Variants in TEAD3 observed in about 807,000 individuals in gnomAD.
TEAD3 encodes transcriptional enhancer factor TEF-5.
A neutral mutation model predicts 55.6 loss-of-function variants in TEAD3; 15 were observed. That is an observed-to-expected ratio of 0.27 (90% CI 0.18 to 0.42). TEAD3 has a LOEUF of 0.42. Ranked by LOEUF, TEAD3 falls within the 10% of genes least tolerant of loss-of-function variation. The pLI is 1.00. For missense variants in TEAD3, 407 were observed against 576.8 expected (o/e 0.71, Z 3.01); for synonymous variants, 210 against 232.2 (o/e 0.90, Z 0.87).
In TEAD3 at chr6:35,486,130, G is replaced by A. The variant is rs1768373261; in HGVS notation, c.202+331C>T. ...GGGCCTCCTTTCCACATCCTCCTCCGGGAAGGGACCCCGTTCCGGGCCTCG... is the reference window on the plus strand; with the variant it reads ...GGGCCTCCTTTCCACATCCTCCTCCAGGAAGGGACCCCGTTCCGGGCCTCG... On this transcript the variant is annotated intron_variant, in intron 2 of 12. Coordinates refer to ENST00000639578, the Ensembl canonical transcript of TEAD3. The surrounding 1 kb of genome is among the most constrained non-coding windows in gnomAD (Gnocchi z 7.3). Among the ~76,000 whole-genome samples the A allele has an allele frequency of 6.6e-6, 1 of 152,212 alleles. No homozygotes were observed. The highest frequency in any genetic ancestry group is 2.4e-5 in the African/African-American group (1 of 41,462).
At chr6:35,492,608 A>AC (rs1768550246) in intron 1 of TEAD3, among the ~76,000 whole-genome samples, 9 of 93,442 alleles carry the variant, frequency 9.6e-5, no homozygotes, top group Admixed American at 9.2e-4. Context: ...CTCTCTCCCC[A>AC]CCCCCCGCCC....
chr6:35,492,015 GC>G (rs1252219331), intron 1 of TEAD3, among the ~76,000 whole-genome samples: 1 of 152,178 alleles, frequency 6.6e-6, no homozygotes, highest in Non-Finnish European at 1.5e-5. Flanking sequence ...CACAGAAAAA[GC>G]CAGTCTGGGT....
Position 35,477,335 on chromosome 6 carries a change from G to A in TEAD3, c.568C>T (p.Pro190Ser), listed in dbSNP as rs1265892200. ...CTGCTGAGCGTCGGCGGCAGGGGCGGCTGGATGGGGTAGGCTGGCTGTGCA... is the reference window on the plus strand; with the variant it reads ...CTGCTGAGCGTCGGCGGCAGGGGCGACTGGATGGGGTAGGCTGGCTGTGCA... The change falls in exon 8 of 13, where the codon CCG becomes TCG. Residue 190 changes from proline to serine, a missense_variant. Physicochemically the swap from Pro to Ser is moderately conservative, Grantham distance 74. Coordinates refer to ENST00000639578, the Ensembl canonical transcript of TEAD3. 8 of 1,605,692 alleles carry A rather than the reference G, an allele frequency of 5.0e-6. No individual in the cohort carries two copies. The highest frequency in any genetic ancestry group is 5.9e-6 in the Non-Finnish European group (7 of 1,179,722).
chr6:35,479,827 G>A (rs1249536684), intron 4 of TEAD3, among the ~76,000 whole-genome samples: 1 of 152,246 alleles, frequency 6.6e-6, no homozygotes, highest in Admixed American at 6.5e-5. Flanking sequence ...TCAGGAAGAA[G>A]GAGAAAAAGA....
chr6:35,474,810 G>A (rs1042650422), downstream of TEAD3: 12 of 504,658 alleles, frequency 2.4e-5, no homozygotes, highest in Non-Finnish European at 3.5e-5. Context: ...GTGGGTCAGC[G>A]CCCCGGACAG....
chr6:35,495,103 C>T (rs1289604753), intron 1 of TEAD3, among the ~76,000 whole-genome samples: 3 of 152,346 alleles, frequency 2.0e-5, no homozygotes, highest in East Asian at 1.9e-4. Flanking sequence ...GAAACTGAGG[C>T]CCAAAGGGGC....
chr6:35,482,356 A>T (rs1222490649), intron 3 of TEAD3, among the ~76,000 whole-genome samples: 1 of 152,218 alleles, frequency 6.6e-6, no homozygotes, highest in Non-Finnish European at 1.5e-5. Context: ...CAACCAGAGG[A>T]CAGATCCCCT....
intron 3 of TEAD3, 118 bp from the exon 4 acceptor site, chr6:35,480,492 A>C: frequency 9.9e-7 from 1 of 1,013,866 alleles, no homozygotes; most frequent in South Asian, 1.5e-5. Flanking sequence ...AACTACATGT[A>C]AATGGGGGGA....
At chr6:35,487,445 A>G (rs1768410047) in intron 1 of TEAD3, among the ~76,000 whole-genome samples, 2 of 151,036 alleles carry the variant, frequency 1.3e-5, no homozygotes, top group African/African-American at 2.4e-5. Context: ...CCAGCTACTC[A>G]GGAGGCTGAA....
At position 35,492,640 on chromosome 6, in the gene TEAD3, T is replaced by C. The variant is rs182629057; in HGVS notation, c.-50+4258A>G. ...GCCCTGCTTATTAATGTGCTTCCAA[T>C]TTGGGACTGGAGATTCTCTGCCCCT... On this transcript the variant is annotated intron_variant, in intron 1 of 12. Transcript: ENST00000639578. Among the ~76,000 whole-genome samples the C allele has an allele frequency of 1.1e-3, 149 of 133,980 alleles. 1 individual carries two copies. The highest frequency in any genetic ancestry group is 3.8e-3 in the African/African-American group (136 of 36,234). The allele number at this position is 133,980 out of a possible 152,430, so 87.9% of individuals were successfully genotyped here. A position where few individuals can be genotyped will look rare whatever the true frequency, so the allele number is the denominator to read the frequency against.
In TEAD3 at chr6:35,480,051, G is replaced by A. The variant is rs1310598473; in HGVS notation, c.330+9C>T. 2.0e-6 allele frequency: 3 copies of A among 1,503,850 alleles called. No homozygotes were observed. In the African/African-American group the frequency reaches 4.2e-5, roughly 21 times the overall value. The allele number at this position is 1,503,850 out of a possible 1,614,324, so 93.2% of individuals were successfully genotyped here. A position where few individuals can be genotyped will look rare whatever the true frequency, so the allele number is the denominator to read the frequency against. ...GGGCAGGCCAGGCCAGGTGGCAGGGGCCCCGTACCTTCAGCTTAGACTGAA... is the reference window on the plus strand; with the variant it reads ...GGGCAGGCCAGGCCAGGTGGCAGGGACCCCGTACCTTCAGCTTAGACTGAA... On this transcript the variant is annotated intron_variant, in intron 4 of 12. Transcript: ENST00000639578.
intron 1 of TEAD3, among the ~76,000 whole-genome samples, chr6:35,495,126 C>T (rs554277990): frequency 3.3e-5 from 5 of 152,328 alleles, no homozygotes; most frequent in African/African-American, 7.2e-5. Context: ...GCCAAGATGG[C>T]GCAACTGGTT....
At position 35,485,705 on chromosome 6, in the gene TEAD3, G is replaced by A. The variant is rs1308299177; in HGVS notation, c.202+756C>T. 6.6e-6 allele frequency among the ~76,000 whole-genome samples: 1 copy of A among 152,184 alleles called. No individual in the cohort carries two copies. The highest frequency in any genetic ancestry group is 6.5e-5 in the Admixed American group (1 of 15,288). On this transcript the variant is annotated intron_variant, in intron 2 of 12. Coordinates refer to ENST00000639578, the Ensembl canonical transcript of TEAD3. The surrounding 1 kb of genome is among the most constrained non-coding windows in gnomAD (Gnocchi z 4.3). ...CCTGGACCATCTGCCTGCCCCCAAG[G>A]TGGGGCTCTGGGGCTGGGTGGGCGT...
At chr6:35,494,383 T>C (rs1300283817) in intron 1 of TEAD3, among the ~76,000 whole-genome samples, 1 of 152,158 alleles carries the variant, frequency 6.6e-6, no homozygotes, top group East Asian at 1.9e-4. Flanking sequence ...GGCAGAGCCC[T>C]TTCCCTGGCA....
rs894622919 is a variant in TEAD3 at position 35,477,496 on chromosome 6, T to C, written c.531-124A>G. 5.6e-5 allele frequency: 47 copies of C among 833,690 alleles called. No individual in the cohort carries two copies. In the African/African-American group the frequency reaches 6.7e-4, roughly 12 times the overall value. 51.6% of individuals were successfully genotyped at this position (833,690 alleles called of 1,614,324 possible). On this transcript the variant is annotated intron_variant, in intron 7 of 12. Transcript: ENST00000639578. ...CTTTCTGCTGAGGCCCAGAAACGCA[T>C]GCTGAAAAGCTAACTCGCAAGCTTT...
At chr6:35,480,216 G>A (rs1389913764) in intron 3 of TEAD3, 96 bp downstream of exon 4, 1 of 1,558,610 alleles carries the variant, frequency 6.4e-7, no homozygotes, top group Non-Finnish European at 8.7e-7. Flanking sequence ...AGTGGGGCTG[G>A]AGAGCTGGCC....
At position 35,491,455 on chromosome 6, in the gene TEAD3, G is replaced by A. The variant is rs1273990310; in HGVS notation, c.-49-4744C>T. 6.6e-6 allele frequency among the ~76,000 whole-genome samples: 1 copy of A among 152,134 alleles called. No individual in the cohort carries two copies. Among genetic ancestry groups the A allele is most frequent in the Non-Finnish European group, 1.5e-5 (1 of 68,000 alleles). ...ACAGGGACAAGGACAGAGACCCAGA[G>A]GCCAAGGCAAAACAGAGGGAGGGAG... On this transcript the variant is annotated intron_variant, in intron 1 of 12. Transcript: ENST00000639578. This position sits in a 1 kb window ranked among gnomAD's most constrained non-coding sequence, Gnocchi z 4.4.
chr6:35,490,982 C>A (rs1462644631), intron 1 of TEAD3, among the ~76,000 whole-genome samples: 1 of 144,106 alleles, frequency 6.9e-6, no homozygotes, highest in African/African-American at 2.6e-5. Flanking sequence ...AAGTGAGGGT[C>A]AAGGGGAGGG....
rs779041929 is a variant in TEAD3, at chr6:35,475,886, G to A, written c.900+33C>T. The A allele has an allele frequency of 5.3e-5, 80 of 1,511,754 alleles. No homozygotes were observed. The highest frequency in any genetic ancestry group is 7.0e-5 in the Non-Finnish European group (79 of 1,131,854). 93.6% of individuals were successfully genotyped at this position (1,511,754 alleles called of 1,614,324 possible). On this transcript the variant is annotated intron_variant, in intron 10 of 12. Transcript: ENST00000639578. This position sits in a 1 kb window ranked among gnomAD's most constrained non-coding sequence, Gnocchi z 5.4. ...TGTTGCACCTCTGGGGTGGGGAAGG[G>A]GGCTTGGAGCAGAGAAGGCCAGGGG... is the stretch of plus-strand genomic sequence containing the variant.
Sources: allele counts gnomAD v4.1 joint callset (sites outside exome capture counted in the v4.1 genomes callset), GRCh38; gene constraint gnomAD v4.1.1; non-coding constraint Gnocchi (gnomAD v3.1); transcripts MANE v1.5; gene names NCBI Gene and HGNC (gene_info 2026-07-23, HGNC 2026-07-21).